The following MAN1A1 variants were observed in gnomAD, a reference collection of about 807,000 sequenced individuals.
MAN1A1 encodes mannosyl-oligosaccharide 1,2-alpha-mannosidase IA.
A neutral mutation model predicts 70.8 loss-of-function variants in MAN1A1; 29 were observed. That is an observed-to-expected ratio of 0.41 (90% CI 0.31 to 0.56). The LOEUF is 0.56. MAN1A1 is among the 20% of genes least tolerant of loss of function. The pLI, the probability that MAN1A1 is intolerant of heterozygous loss-of-function variation, is 0.29. For missense variants in MAN1A1, 747 were observed against 841.3 expected, an observed-to-expected ratio of 0.89 and a Z score of 1.39; for synonymous variants, 349 against 330.1, an observed-to-expected ratio of 1.06 and a Z score of -0.62.
intron 2 of MAN1A1, among the ~76,000 whole-genome samples, chr6:119,343,562 T>C (rs1773651313): frequency 6.6e-6 from 1 of 151,604 alleles, no homozygotes; most frequent in African/African-American, 2.4e-5. Context: ...AGGTTGGGGG[T>C]GGGGATAAGA....
At position 119,189,871 on chromosome 6, in the gene MAN1A1, G is replaced by A. The variant is rs746018940; in HGVS notation, c.1339C>T (p.His447Tyr). Residue 447 changes from histidine to tyrosine, a missense_variant, in exon 10 of 13, where the codon CAT becomes TAT. His to Tyr is a moderately conservative substitution (Grantham distance 83). Transcript: ENST00000368468. ...YFDAVQAIET[H>Y]LIRKSSSGLT... The stretch of plus-strand genomic sequence containing the variant: ...CCGCTGCTAGACTTGCGGATCAAAT[G>A]AGTCTCGATAGCCTGTGAAAAACAC... The A allele has an allele frequency of 6.2e-6, 10 of 1,613,498 alleles. No homozygotes were observed. The South Asian group carries it at 9.9e-5, about 16-fold the overall frequency.
At chr6:119,321,995 G>C (rs534799020) in intron 2 of MAN1A1, among the ~76,000 whole-genome samples, 1 of 152,268 alleles carries the variant, frequency 6.6e-6, no homozygotes, top group Non-Finnish European at 1.5e-5. Flanking sequence ...CACTCCTATA[G>C]AACTCACAGA....
At chr6:119,252,388 G>A (rs2114332952) in intron 5 of MAN1A1, among the ~76,000 whole-genome samples, 1 of 152,280 alleles carries the variant, frequency 6.6e-6, no homozygotes, top group Non-Finnish European at 1.5e-5. Flanking sequence ...AAATTTGAGT[G>A]ATTTTCTTAT....
intron 5 of MAN1A1, among the ~76,000 whole-genome samples, chr6:119,262,409 T>A (rs1489937733): frequency 1.3e-5 from 2 of 151,858 alleles, no homozygotes; most frequent in East Asian, 1.9e-4. Flanking sequence ...GGAAATAAGA[T>A]TTCAAAAGCC....
chr6:119,301,818 G>C (rs1458576983), intron 4 of MAN1A1, among the ~76,000 whole-genome samples, 170 bp downstream of exon 4: 1 of 152,182 alleles, frequency 6.6e-6, no homozygotes, highest in Non-Finnish European at 1.5e-5. Flanking sequence ...ACACACATTT[G>C]TGTAGTGAGG....
intron 6 of MAN1A1, among the ~76,000 whole-genome samples, chr6:119,205,756 T>C (rs1227193836): frequency 6.6e-6 from 1 of 152,252 alleles, no homozygotes; most frequent in African/African-American, 2.4e-5. Context: ...GTTATTCTCC[T>C]AATAAATTCC....
At chr6:119,213,607 T>A (rs983123858) in intron 6 of MAN1A1, among the ~76,000 whole-genome samples, 3 of 152,178 alleles carry the variant, frequency 2.0e-5, no homozygotes, top group Admixed American at 1.3e-4. Flanking sequence ...TATAATCAGC[T>A]CTTTGCTGCC....
At chr6:119,182,823 T>G (rs1773186762) in intron 11 of MAN1A1, among the ~76,000 whole-genome samples, 1 of 152,172 alleles carries the variant, frequency 6.6e-6, no homozygotes, top group Non-Finnish European at 1.5e-5. Flanking sequence ...TTCACTTACG[T>G]TTCAGTTTTC....
intron 4 of MAN1A1, among the ~76,000 whole-genome samples, chr6:119,295,218 G>A (rs964828557): frequency 3.9e-5 from 6 of 152,006 alleles, no homozygotes; most frequent in Non-Finnish European, 5.9e-5. Flanking sequence ...ATGAGTACCT[G>A]AAAGACCAAC....
rs146005661 is a variant in MAN1A1, at chr6:119,300,884, A to G, written c.816+1104T>C. Among the ~76,000 whole-genome samples the G allele has an allele frequency of 4.9e-3, 741 of 152,346 alleles. 5 individuals are homozygous for G. Among genetic ancestry groups the G allele is most frequent in the African/African-American group, 0.017 (695 of 41,584 alleles). ...AATGCGGTATATATAGCAATTAATT[A>G]GGGGAGTAGAAACAAAATATTAAAC... On this transcript the variant is annotated intron_variant, in intron 4 of 12. Transcript: ENST00000368468.
chr6:119,276,834 C>A (rs1776079760), intron 5 of MAN1A1, among the ~76,000 whole-genome samples: 1 of 152,164 alleles, frequency 6.6e-6, no homozygotes, highest in African/African-American at 2.4e-5. Flanking sequence ...GTAAATGCAT[C>A]AACCTAAATG....
rs1775965407 is a variant in MAN1A1, at chr6:119,272,964, A to G, written c.897+17719T>C. Among the ~76,000 whole-genome samples, 5 of 152,208 alleles carry G rather than the reference A, an allele frequency of 3.3e-5. No homozygotes were observed. The South Asian group carries it at 1.0e-3, about 31-fold the overall frequency. ...AAATAAACAACCTTCTAAGATGGAA[A>G]TCTATAAATTGACTATAAAGAAGGA... On this transcript the variant is annotated intron_variant, in intron 5 of 12. Coordinates refer to ENST00000368468, the MANE Select transcript of MAN1A1 (RefSeq NM_005907.4).
chr6:119,341,035 G>C (rs1300690386), intron 2 of MAN1A1, among the ~76,000 whole-genome samples: 2 of 152,174 alleles, frequency 1.3e-5, no homozygotes, highest in East Asian at 3.8e-4. Context: ...TATTATCTCT[G>C]TTCTGGATTA....
chr6:119,310,796 T>C (rs931207325), intron 2 of MAN1A1, among the ~76,000 whole-genome samples: 4 of 152,196 alleles, frequency 2.6e-5, no homozygotes, highest in South Asian at 2.1e-4. Context: ...GCCACTTGGA[T>C]GGTTCCCCAG....
rs200157342 is a variant in MAN1A1, at chr6:119,348,928, C to T, written c.138G>A (p.Leu46=). Reference sequence around the variant, plus strand: ...AGAGCGTGATGAAGGCGCTGAATACCAGCAGCAGCACGAACTTCTCCGTCA... The same window carrying T: ...AGAGCGTGATGAAGGCGCTGAATACTAGCAGCAGCACGAACTTCTCCGTCA... The part of the protein sequence containing the change: ...LRLTEKFVLL[L]VFSAFITLCF... The change falls in exon 2 of 13, where the codon CTG becomes CTA. Residue 46 remains leucine, a synonymous_variant. Coordinates refer to ENST00000368468, the MANE Select transcript of MAN1A1 (RefSeq NM_005907.4). 33 of 1,533,742 alleles carry T rather than the reference C, an allele frequency of 2.2e-5. No homozygotes were observed. In the Admixed American group the frequency reaches 5.0e-4, roughly 23 times the overall value.
chr6:119,216,946 TCAA>T (rs957673299), intron 6 of MAN1A1, among the ~76,000 whole-genome samples: 1 of 152,256 alleles, frequency 6.6e-6, no homozygotes. Context: ...GGTTACTTAT[TCAA>T]CATTTTTCTT....
chr6:119,348,200 C>T (rs764433412), intron 2 of MAN1A1, among the ~76,000 whole-genome samples: 1 of 152,186 alleles, frequency 6.6e-6, no homozygotes. Flanking sequence ...TGTATTTATA[C>T]CCACCTCGTG....
intron 9 of MAN1A1, among the ~76,000 whole-genome samples, chr6:119,193,194 T>C (rs1448147596): frequency 1.3e-5 from 2 of 152,200 alleles, no homozygotes; most frequent in East Asian, 3.8e-4. Context: ...CTCCACCGCT[T>C]CATTTAAAGG....
chr6:119,225,626 T>C (rs1016049061), intron 6 of MAN1A1, among the ~76,000 whole-genome samples: 10 of 151,838 alleles, frequency 6.6e-5, no homozygotes, highest in Non-Finnish European at 8.8e-5. Flanking sequence ...AATGAGAAAA[T>C]CTTGAAAGTA....
Sources: allele counts gnomAD v4.1 joint callset (sites outside exome capture counted in the v4.1 genomes callset), GRCh38; gene constraint gnomAD v4.1.1; transcripts MANE v1.5; gene names NCBI Gene and HGNC (gene_info 2026-07-23, HGNC 2026-07-21).